The following CFAP74 variants were observed in gnomAD, a reference collection of about 807,000 sequenced individuals.
The protein encoded by CFAP74 is cilia and flagella associated protein 74.
Under a neutral mutation model 188.9 loss-of-function variants are expected in CFAP74, and 124 were observed. The ratio of observed to expected loss-of-function variants is 0.66; its 90% CI spans 0.57 to 0.76. The LOEUF (loss-of-function observed/expected upper bound fraction) is 0.76, where lower values mean the gene tolerates loss of function less well. CFAP74 is among the 30% of genes least tolerant of loss of function. CFAP74 has a pLI of 0.00. For synonymous variants in CFAP74, 956 were observed against 916.7 expected (o/e 1.04, Z -0.77); for missense variants, 2,198 against 2,165.2 (o/e 1.02, Z -0.30).
chr1:1,988,691 A>G, intron 3 of CFAP74, 36 bp from the exon 4 acceptor site: 1 of 1,600,154 alleles, frequency 6.2e-7, no homozygotes, highest in East Asian at 2.2e-5. Context: ...CCACCACCCC[A>G]GCTGCAGGCT....
At chr1:1,996,044 G>A (rs1221538753) in intron 1 of CFAP74, among the ~76,000 whole-genome samples, 4 of 152,058 alleles carry the variant, frequency 2.6e-5, no homozygotes, top group Non-Finnish European at 5.9e-5. Context: ...GAGTGCAGAG[G>A]TACGATCTCG....
chr1:1,938,655 A>G (rs1247161401), intron 25 of CFAP74, among the ~76,000 whole-genome samples, 200 bp downstream of exon 25: 2 of 152,206 alleles, frequency 1.3e-5, no homozygotes, highest in African/African-American at 4.8e-5. Context: ...GAGTGGGCCC[A>G]GAACTCAAGG....
intron 18 of CFAP74, among the ~76,000 whole-genome samples, chr1:1,948,412 A>AATAAATATAT (rs1553223671): frequency 6.9e-5 from 10 of 144,408 alleles, no homozygotes; most frequent in African/African-American, 2.3e-4. Context: ...GGCATATATA[A>AATAAATATAT]ATATATATAT....
chr1:1,924,103 C>G (rs1427555787), intron 34 of CFAP74, among the ~76,000 whole-genome samples, 174 bp from the exon 35 acceptor site: 2 of 96,030 alleles, frequency 2.1e-5, no homozygotes, highest in African/African-American at 8.3e-5. Flanking sequence ...CAAGCGCCCA[C>G]CCCCCCCATC....
At chr1:1,981,325 G>A (rs903125507) in intron 6 of CFAP74, among the ~76,000 whole-genome samples, 1 of 152,230 alleles carries the variant, frequency 6.6e-6, no homozygotes, top group Non-Finnish European at 1.5e-5. Context: ...GCGAGAGGGA[G>A]GGGGCGCTGC....
At chr1:1,937,218 G>A (rs983119852) in intron 25 of CFAP74, among the ~76,000 whole-genome samples, 10 of 152,266 alleles carry the variant, frequency 6.6e-5, no homozygotes, top group Admixed American at 1.3e-4. Context: ...GAGAGGCGAC[G>A]GGGCGTTAGC....
chr1:1,960,125 C>T (rs1174621696), intron 14 of CFAP74, 95 bp from the exon 15 acceptor site: 9 of 1,073,738 alleles, frequency 8.4e-6, no homozygotes, highest in Non-Finnish European at 1.1e-5. Context: ...GGCCTCCTGG[C>T]CTCCTCCCCA....
chr1:1,972,024 T>C lies in CFAP74; in HGVS notation c.844A>G (p.Met282Val), dbSNP rs1656120063. 3.1e-6 allele frequency: 5 copies of C among 1,612,812 alleles called. No individual in the cohort carries two copies. The highest frequency in any genetic ancestry group is 2.7e-5 in the African/African-American group (2 of 74,950). Residue 282 changes from methionine (M) to valine (V), a missense_variant, in exon 9 of 39, where the codon ATG (methionine) becomes GTG (valine). Met to Val is a conservative substitution (Grantham distance 21). Transcript: ENST00000682832. The stretch of plus-strand genomic sequence containing the variant: ...CCCTTCAGCGCCACCACCGCATCCA[T>C]GCGTCGCCTCATGTACTCGTGGCAC... ...MECHEYMRRR[M>V]DAVVALKGSI...
Position 1,940,310 on chromosome 1 carries a change from A to G in CFAP74, c.2703+6T>C. On this transcript the variant is annotated splice_donor_region_variant and intron_variant, in intron 23 of 38. Coordinates refer to ENST00000682832, the MANE Select transcript of CFAP74 (RefSeq NM_001304360.2). The stretch of plus-strand genomic sequence containing the variant: ...CAGCATCCCTGGGAAGTGCCCCAAC[A>G]CAGACCTGGTCGGCAACCCATATGG... 1.3e-6 allele frequency: 2 copies of G among 1,535,050 alleles called. No individual in the cohort carries two copies. The highest frequency in any genetic ancestry group is 1.7e-6 in the Non-Finnish European group (2 of 1,146,234).
chr1:1,929,904 C>T (rs2748967), intron 26 of CFAP74, among the ~76,000 whole-genome samples, 156 bp downstream of exon 26: 59,248 of 151,924 alleles, frequency 0.39, 13,883 homozygotes, highest in Admixed American at 0.52. Flanking sequence ...GATCCTTCCT[C>T]GGCCCTGCTC....
rs1324549720 is a variant in CFAP74 at position 1,955,481 on chromosome 1, G to A, written c.2176+210C>T. 5 of 1,587,058 alleles carry A rather than the reference G, an allele frequency of 3.2e-6. No homozygotes were observed. The East Asian group carries it at 9.3e-5, about 30-fold the overall frequency. ...GGAGGTGCCTTCAAGTCTTCGGTTA[G>A]CGTCAACGTGAATGTACATTTTCGT... is the stretch of plus-strand genomic sequence containing the variant. On this transcript the variant is annotated intron_variant, in intron 18 of 38. Coordinates refer to ENST00000682832, the MANE Select transcript of CFAP74 (RefSeq NM_001304360.2).
chr1:1,924,366 CACCCACCCCCCACCCCCCGCTCACCG>C lies in CFAP74; in HGVS notation c.4233_4234+24del. 2.1e-6 allele frequency: 1 copy of C among 487,530 alleles called. No homozygotes were observed. Among genetic ancestry groups the C allele is most frequent in the Non-Finnish European group, 3.0e-6 (1 of 337,158 alleles). The allele number at this position is 487,530 out of a possible 1,614,324, so 30.2% of individuals were successfully genotyped here. ...CTCACCGCCCACCCCCGCAGCTCACCACCCACCCCCCACCCCCCGCTCACCGACCACCTCCGTCCTCTGGGAGGGCG... is the reference window on the plus strand; with the variant it reads ...CTCACCGCCCACCCCCGCAGCTCACCACCACCTCCGTCCTCTGGGAGGGCG... On this transcript the variant is annotated splice_donor_variant and splice_donor_5th_base_variant and coding_sequence_variant and intron_variant, in exon 34 of 39. Transcript: ENST00000682832. LOFTEE classifies it high-confidence loss of function.
chr1:1,947,375 T>C (rs1653844817), intron 18 of CFAP74, among the ~76,000 whole-genome samples: 1 of 152,230 alleles, frequency 6.6e-6, no homozygotes, highest in Non-Finnish European at 1.5e-5. Flanking sequence ...AGTGTCATCT[T>C]TTGGGGATGT....
chr1:1,926,772 A>C lies in CFAP74; in HGVS notation c.3663-11T>G, dbSNP rs1445807155. On this transcript the variant is annotated splice_polypyrimidine_tract_variant and intron_variant, in intron 29 of 38. Transcript: ENST00000682832. ...AGGGTGTTGTGGGGGCTGGGATAGG[A>C]AGGGCATGCTGAGGGCAGGGTGGGC... 2.6e-6 allele frequency: 4 copies of C among 1,549,450 alleles called. No individual in the cohort carries two copies. The East Asian group carries it at 9.8e-5, about 38-fold the overall frequency.
At chr1:1,955,925 T>C in intron 17 of CFAP74, 75 bp from the exon 18 acceptor site, 3 of 1,529,080 alleles carry the variant, frequency 2.0e-6, no homozygotes, top group Middle Eastern at 3.5e-4. Flanking sequence ...GGAACTCCCA[T>C]GAGGACAGGC....
rs550226611 is a variant in CFAP74 at position 1,970,699 on chromosome 1, C to T, written c.1006G>A (p.Val336Ile). The T allele has an allele frequency of 8.2e-5, 132 of 1,613,720 alleles. No individual in the cohort carries two copies. Among genetic ancestry groups the T allele is most frequent in the Admixed American group, 5.5e-4 (33 of 59,930 alleles). ...AQGRDAFRHL[V>I]HQRRRQELEA... The stretch of plus-strand genomic sequence containing the variant: ...AGCTCCTGGCGCCGGCGCTGGTGGA[C>T]AAGGTGCCTGAATGCATCCCTGCCC... The change falls in exon 10 of 39, where the codon GTC becomes ATC. Residue 336 changes from valine (V) to isoleucine (I), a missense_variant. Physicochemically the swap from Val to Ile is conservative, Grantham distance 29 (BLOSUM62 3). Transcript: ENST00000682832.
intron 25 of CFAP74, among the ~76,000 whole-genome samples, chr1:1,936,525 A>G (rs1030610936): frequency 6.6e-6 from 1 of 152,204 alleles, no homozygotes; most frequent in South Asian, 2.1e-4. Flanking sequence ...GCCTGGCGAG[A>G]GAGCGAGAGT....
intron 33 of CFAP74, 144 bp from the exon 34 acceptor site, chr1:1,924,664 C>G: frequency 1.2e-6 from 1 of 823,114 alleles, no homozygotes; most frequent in East Asian, 3.1e-5. Flanking sequence ...GCACACGTGG[C>G]GGTTTATTGA....
At chr1:1,945,577 C>A (rs564109995) in intron 20 of CFAP74, among the ~76,000 whole-genome samples, 1 of 152,180 alleles carries the variant, frequency 6.6e-6, no homozygotes, top group Admixed American at 6.5e-5. Flanking sequence ...CCTGTAATCC[C>A]AGCACTTTGG....
Sources: allele counts gnomAD v4.1 joint callset (sites outside exome capture counted in the v4.1 genomes callset), GRCh38; gene constraint gnomAD v4.1.1; transcripts MANE v1.5; gene names NCBI Gene and HGNC (gene_info 2026-07-23, HGNC 2026-07-21).